The following TAF12 variants were observed in gnomAD, a reference collection of about 807,000 sequenced individuals.
TAF12 encodes the protein TATA-box binding protein associated factor 12.
Under a neutral mutation model 20.8 loss-of-function variants are expected in TAF12, and 3 were observed. The ratio of observed to expected loss-of-function variants is 0.14; its 90% CI spans 0.07 to 0.37. The LOEUF is 0.37. Among genes scored for constraint, TAF12 ranks in the 10% least tolerant of loss-of-function variants. TAF12 has a pLI of 1.00. For missense variants in TAF12, 131 were observed against 197.9 expected, an observed-to-expected ratio of 0.66 and a Z score of 2.03; for synonymous variants, 69 against 70.2, an observed-to-expected ratio of 0.98 and a Z score of 0.09.
intron 1 of TAF12, among the ~76,000 whole-genome samples, chr1:28,627,426 G>A (rs547072455): frequency 0.01 from 1,542 of 150,768 alleles, 10 homozygotes; most frequent in Non-Finnish European, 0.015. Flanking sequence ...GGGCGCGGTG[G>A]CTCACGCTTG....
At chr1:28,628,720 A>T (rs549312187) in intron 1 of TAF12, among the ~76,000 whole-genome samples, 1 of 152,320 alleles carries the variant, frequency 6.6e-6, no homozygotes, top group East Asian at 1.9e-4. Flanking sequence ...TCCAAGAGAA[A>T]TTGTTCAATG....
At chr1:28,609,203 A>C (rs1666774071) in intron 4 of TAF12, among the ~76,000 whole-genome samples, 1 of 151,106 alleles carries the variant, frequency 6.6e-6, no homozygotes, top group African/African-American at 2.4e-5. Context: ...CAGCCTCCCG[A>C]GTAGCTGGGA....
At chr1:28,628,857 G>A (rs1557469404) in intron 1 of TAF12, among the ~76,000 whole-genome samples, 1 of 152,234 alleles carries the variant, frequency 6.6e-6, no homozygotes, top group East Asian at 1.9e-4. Flanking sequence ...CGGATCACCT[G>A]AGGTTGGGAG....
intron 4 of TAF12, among the ~76,000 whole-genome samples, chr1:28,607,687 T>G (rs1197063453): frequency 2.6e-5 from 4 of 151,664 alleles, no homozygotes; most frequent in Non-Finnish European, 5.9e-5. Context: ...GAAAACTTTT[T>G]TTTTTAGCTG....
At chr1:28,613,170 T>A in intron 4 of TAF12, 77 bp downstream of exon 4, 2 of 1,234,474 alleles carry the variant, frequency 1.6e-6, no homozygotes, top group South Asian at 3.3e-5. Context: ...GCATGAAGGT[T>A]CCTCTGACTA....
At chr1:28,647,871 CT>C (rs1196871516), upstream of TAF12, among the ~76,000 whole-genome samples, 1 of 60,552 alleles carries the variant, frequency 1.7e-5, no homozygotes, top group Non-Finnish European at 3.8e-5. Flanking sequence ...GAGACTCCGT[CT>C]CAAAAAAAAA....
chr1:28,641,892 C>T (rs1285176333), intron 1 of TAF12, among the ~76,000 whole-genome samples: 1 of 151,836 alleles, frequency 6.6e-6, no homozygotes, highest in Non-Finnish European at 1.5e-5. Context: ...TCATTTGCTA[C>T]GCACAGAAGG....
intron 1 of TAF12, 87 bp downstream of exon 1, chr1:28,642,905 G>A: frequency 1.0e-6 from 1 of 986,092 alleles, no homozygotes; most frequent in Non-Finnish European, 1.2e-6. Flanking sequence ...CCACAACCTG[G>A]TCCTTCGAAC....
intron 4 of TAF12, among the ~76,000 whole-genome samples, chr1:28,609,202 G>A (rs1251594755): frequency 2.0e-5 from 3 of 151,264 alleles, no homozygotes; most frequent in East Asian, 4.0e-4. Context: ...TCAGCCTCCC[G>A]AGTAGCTGGG....
rs1264642361 is a variant in TAF12, at chr1:28,634,445, A to G, written c.-85+8547T>C. ...AAAAAAAAAAAAAAAAACCCCACAA[A>G]AAACAGGCATTAACTGTGGGACAGT... On this transcript the variant is annotated intron_variant, in intron 1 of 5. Coordinates refer to ENST00000373824, the MANE Select transcript of TAF12 (RefSeq NM_005644.4). 2.6e-5 allele frequency among the ~76,000 whole-genome samples: 4 copies of G among 151,922 alleles called. No homozygotes were observed. The East Asian group carries it at 7.7e-4, about 29-fold the overall frequency.
At chr1:28,634,155 C>T (rs1667736368) in intron 1 of TAF12, among the ~76,000 whole-genome samples, 1 of 151,400 alleles carries the variant, frequency 6.6e-6, no homozygotes, top group South Asian at 2.1e-4. Flanking sequence ...GTGGCTCACG[C>T]CTGTAATCTC....
In TAF12 at chr1:28,603,334, AG is replaced by A. The variant is rs1297549103; in HGVS notation, c.*204del. The A allele has an allele frequency of 1.8e-5, 10 of 558,856 alleles. 1 individual carries two copies. Among genetic ancestry groups the A allele is most frequent in the African/African-American group, 3.8e-5 (2 of 53,274 alleles). 34.6% of individuals were successfully genotyped at this position (558,856 alleles called of 1,614,324 possible). A position where few individuals can be genotyped will look rare whatever the true frequency, so the allele number is the denominator to read the frequency against. Reference sequence around the variant, plus strand: ...ATACATTGCTCCTCTTTGAGATGGCAGGGAAAAGGGACCGGAAGTTGGGGTA... The same window carrying A: ...ATACATTGCTCCTCTTTGAGATGGCAGGAAAAGGGACCGGAAGTTGGGGTA... On this transcript the variant is annotated 3_prime_UTR_variant, in exon 6 of 6. Coordinates refer to ENST00000373824, the MANE Select transcript of TAF12 (RefSeq NM_005644.4).
intron 3 of TAF12, among the ~76,000 whole-genome samples, chr1:28,615,856 T>C (rs528732227): frequency 6.6e-6 from 1 of 152,258 alleles, no homozygotes; most frequent in Admixed American, 6.6e-5. Flanking sequence ...TACTCTGAAG[T>C]AAAGTCTTGT....
At chr1:28,610,602 A>G (rs1037440282) in intron 4 of TAF12, among the ~76,000 whole-genome samples, 1 of 151,532 alleles carries the variant, frequency 6.6e-6, no homozygotes, top group Admixed American at 6.6e-5. Context: ...GGTGTGAGCC[A>G]CCATGCCAGG....
intron 2 of TAF12, among the ~76,000 whole-genome samples, chr1:28,621,190 C>G (rs572295545): frequency 9.9e-5 from 15 of 152,176 alleles, no homozygotes; most frequent in Non-Finnish European, 2.1e-4. Context: ...GATATCCTGA[C>G]TGCCCAACCC....
chr1:28,618,534 ATTTT>A (rs968347496), intron 2 of TAF12, among the ~76,000 whole-genome samples: 3 of 125,684 alleles, frequency 2.4e-5, no homozygotes, highest in East Asian at 2.2e-4. Context: ...TACCTGGCTA[ATTTT>A]TTTTTTTTTT....
rs556202302 is a variant in TAF12 at position 28,618,873 on chromosome 1, G to A, written c.169-843C>T. On this transcript the variant is annotated intron_variant, in intron 2 of 5. Transcript: ENST00000373824. Reference sequence around the variant, plus strand: ...ATAAAGGAAATGTCATGTTACATACGTATGCCATTAAAAAGTAATCAAAAG... The same window carrying A: ...ATAAAGGAAATGTCATGTTACATACATATGCCATTAAAAAGTAATCAAAAG... 2.6e-5 allele frequency among the ~76,000 whole-genome samples: 4 copies of A among 152,164 alleles called. No individual in the cohort carries two copies. In the South Asian group the frequency reaches 6.2e-4, roughly 24 times the overall value.
At chr1:28,635,274 TCC>T (rs1267524262) in intron 1 of TAF12, among the ~76,000 whole-genome samples, 2 of 110,632 alleles carry the variant, frequency 1.8e-5, no homozygotes, top group Non-Finnish European at 3.9e-5. Context: ...CTATCCTCCC[TCC>T]TTTTTTTTTT....
At chr1:28,605,750 C>G (rs763438975) in intron 4 of TAF12, among the ~76,000 whole-genome samples, 1 of 152,152 alleles carries the variant, frequency 6.6e-6, no homozygotes. Context: ...CCTGGCCTCC[C>G]AAGTAGCTGG....
Sources: gnomAD v4.1 joint callset for allele counts (sites outside exome capture counted in the v4.1 genomes callset) on GRCh38, gnomAD v4.1.1 for gene constraint, MANE v1.5 for transcripts, NCBI Gene and HGNC (gene_info 2026-07-23, HGNC 2026-07-21) for gene names.